Variants in PCDHA7 observed in about 807,000 individuals in gnomAD.
The protein encoded by PCDHA7 is protocadherin alpha-7.
Under a neutral mutation model 57.2 loss-of-function variants are expected in PCDHA7, and 37 were observed. The ratio of observed to expected loss-of-function variants is 0.65; its 90% CI spans 0.50 to 0.85. The LOEUF is 0.85. Ranked by LOEUF, PCDHA7 falls within the 40% of genes least tolerant of loss-of-function variation. The pLI, the probability that PCDHA7 is intolerant of heterozygous loss-of-function variation, is 0.00. For missense variants in PCDHA7, 1,188 were observed against 1,241.8 expected, an observed-to-expected ratio of 0.96 and a Z score of 0.65; for synonymous variants, 553 against 558.8, an observed-to-expected ratio of 0.99 and a Z score of 0.15.
intron 1 of PCDHA7, among the ~76,000 whole-genome samples, chr5:140,916,666 A>G (rs782065585): frequency 2.0e-5 from 3 of 152,176 alleles, no homozygotes; most frequent in Non-Finnish European, 2.9e-5. Flanking sequence ...AAGATGCAAG[A>G]CAAAGTCCTC....
Position 140,836,668 on chromosome 5 carries a change from A to T in PCDHA7, c.2285A>T (p.Glu762Val). ...QQRRQRVCSG[E>V]GPPKTDLMAF... The stretch of plus-strand genomic sequence containing the variant: ...AGGCGGCAGAGGGTGTGCTCTGGGG[A>T]GGGCCCACCCAAGACAGACCTCATG... The change falls in exon 1 of 4, where the codon GAG becomes GTG. Residue 762 changes from glutamate to valine, a missense_variant. Around this residue, in one of 3 missense-constraint regions of PCDHA7, gnomAD observed 892 missense variants for 788.5 expected, o/e 1.13. Transcript: ENST00000525929. 1 of 1,613,338 alleles carries T rather than the reference A, an allele frequency of 6.2e-7. No individual in the cohort carries two copies. The highest frequency in any genetic ancestry group is 8.5e-7 in the Non-Finnish European group (1 of 1,179,544).
chr5:140,876,297 A>G, intron 1 of PCDHA7: 1 of 1,614,092 alleles, frequency 6.2e-7, no homozygotes, highest in Non-Finnish European at 8.5e-7. Flanking sequence ...GACTTAATGG[A>G]GAAATTTCCT....
intron 3 of PCDHA7, among the ~76,000 whole-genome samples, chr5:141,007,395 CAAAAAAA>C (rs35800918): frequency 2.2e-3 from 204 of 94,846 alleles, no homozygotes; most frequent in African/African-American, 7.3e-3. Flanking sequence ...TACTAAAATA[CAAAAAAA>C]AAAAAAAAAA....
chr5:140,873,739 C>A (rs571863406), intron 1 of PCDHA7, among the ~76,000 whole-genome samples: 1 of 152,294 alleles, frequency 6.6e-6, no homozygotes, highest in African/African-American at 2.4e-5. Flanking sequence ...CAGCTCACTG[C>A]AATCTCCACC....
chr5:140,926,880 G>A lies in PCDHA7; in HGVS notation c.2356-52069G>A. 4 of 1,534,946 alleles carry A rather than the reference G, an allele frequency of 2.6e-6. No homozygotes were observed. The South Asian group carries it at 3.8e-5, about 15-fold the overall frequency. On this transcript the variant is annotated intron_variant, in intron 1 of 3. Transcript: ENST00000525929. ...TGTAGCGTGTTGGTGGAACGTGGAC[G>A]CCTAGAGGGAGGATGGTGGGCTGTG...
At chr5:140,935,592 T>C (rs1554210581) in intron 1 of PCDHA7, among the ~76,000 whole-genome samples, 1 of 152,252 alleles carries the variant, frequency 6.6e-6, no homozygotes, top group East Asian at 1.9e-4. Context: ...ACCAGCTAGA[T>C]ACAGAGCTAG....
intron 1 of PCDHA7, among the ~76,000 whole-genome samples, chr5:140,961,059 G>A (rs2095587077): frequency 6.6e-6 from 1 of 152,076 alleles, no homozygotes; most frequent in African/African-American, 2.4e-5. Flanking sequence ...AATGTTGAAT[G>A]GGATATCTGG....
At chr5:140,913,945 A>T (rs2076523304) in intron 1 of PCDHA7, among the ~76,000 whole-genome samples, 1 of 152,086 alleles carries the variant, frequency 6.6e-6, no homozygotes, top group Non-Finnish European at 1.5e-5. Flanking sequence ...AAGAATCTTG[A>T]TATGATATCA....
intron 1 of PCDHA7, among the ~76,000 whole-genome samples, chr5:140,951,891 C>T (rs913687305): frequency 1.3e-5 from 2 of 152,110 alleles, no homozygotes; most frequent in Non-Finnish European, 2.9e-5. Context: ...TCTCTTCTGC[C>T]TATGAGCCTG....
chr5:140,929,153 A>G (rs1554206749), intron 1 of PCDHA7: 1 of 1,614,164 alleles, frequency 6.2e-7, no homozygotes, highest in East Asian at 2.2e-5. Context: ...TCTCAGACTT[A>G]TCTCTATCGG....
chr5:140,884,285 G>A, intron 1 of PCDHA7: 1 of 1,613,598 alleles, frequency 6.2e-7, no homozygotes. Flanking sequence ...GGTGGAGAGC[G>A]GCCAAGCGCC....
chr5:140,877,719 T>G (rs782112072), intron 1 of PCDHA7: 2 of 1,614,102 alleles, frequency 1.2e-6, no homozygotes, highest in South Asian at 1.1e-5. Context: ...GGAGTTGGTC[T>G]TACTCGCAGC....
At chr5:140,964,802 GA>G (rs1187447949) in intron 1 of PCDHA7, among the ~76,000 whole-genome samples, 2 of 151,946 alleles carry the variant, frequency 1.3e-5, no homozygotes, top group African/African-American at 4.8e-5. Context: ...CCCAAGAAAG[GA>G]GACAGGAATA....
chr5:140,883,632 T>C (rs782762437), intron 1 of PCDHA7: 1 of 1,613,936 alleles, frequency 6.2e-7, no homozygotes, highest in South Asian at 1.1e-5. Flanking sequence ...GCGCCGGCGT[T>C]CGCGCAGCCC....
Position 141,010,021 on chromosome 5 carries a change from T to C in PCDHA7, c.*84T>C. 1 of 1,572,108 alleles carries C rather than the reference T, an allele frequency of 6.4e-7. No individual in the cohort carries two copies. The highest frequency in any genetic ancestry group is 1.9e-5 in the Admixed American group (1 of 52,756). On this transcript the variant is annotated 3_prime_UTR_variant, in exon 4 of 4. Coordinates refer to ENST00000525929, the MANE Select transcript of PCDHA7 (RefSeq NM_018910.3). ...CATGTAGCAATTCCCTGCTCCTTTTTCCTATCTACATGAGCCCTCTTAGAG... is the reference window on the plus strand; with the variant it reads ...CATGTAGCAATTCCCTGCTCCTTTTCCCTATCTACATGAGCCCTCTTAGAG...
In PCDHA7 at chr5:141,011,437, GA is replaced by G. The variant is rs1196462702; in HGVS notation, c.*1501del. The G allele has an allele frequency of 2.6e-5, 4 of 153,726 alleles. No homozygotes were observed. Among genetic ancestry groups the G allele is most frequent in the African/African-American group, 9.7e-5 (4 of 41,440 alleles). 9.5% of individuals were successfully genotyped at this position (153,726 alleles called of 1,614,324 possible). ...TGAATGTTAATGCAACTATTACCTA[GA>G]GTGAACTTTAAGCTTTATTGTTGAA... is the stretch of plus-strand genomic sequence containing the variant. On this transcript the variant is annotated 3_prime_UTR_variant, in exon 4 of 4. Transcript: ENST00000525929.
intron 1 of PCDHA7, among the ~76,000 whole-genome samples, chr5:140,941,907 CT>C (rs1379926904): frequency 7.2e-5 from 11 of 152,106 alleles, no homozygotes; most frequent in African/African-American, 2.7e-4. Context: ...CATTGAAATG[CT>C]TTTATGTATA....
At position 140,834,924 on chromosome 5, in the gene PCDHA7, G is replaced by C; in HGVS notation, c.541G>C (p.Asp181His). ...RLSPNEYFFL[D>H]VPTSNQQVKP... ...GAGCCCCAATGAGTATTTCTTCCTG[G>C]ACGTGCCAACCAGCAACCAGCAGGT... The change falls in exon 1 of 4, where the codon GAC becomes CAC. Residue 181 changes from aspartate to histidine, a missense_variant. Around this residue, in one of 3 missense-constraint regions of PCDHA7, gnomAD observed 102 missense variants for 267.4 expected, o/e 0.38. Coordinates refer to ENST00000525929, the MANE Select transcript of PCDHA7 (RefSeq NM_018910.3). 1.9e-6 allele frequency: 3 copies of C among 1,585,868 alleles called. No homozygotes were observed. The South Asian group carries it at 3.4e-5, about 18-fold the overall frequency.
intron 1 of PCDHA7, chr5:140,868,008 G>C (rs953372223): frequency 2.2e-4 from 34 of 152,046 alleles, no homozygotes; most frequent in African/African-American, 7.7e-4. Context: ...AACTGAATTA[G>C]ATTAAGGAAA....
Sources: allele counts gnomAD v4.1 joint callset (sites outside exome capture counted in the v4.1 genomes callset), GRCh38; gene constraint gnomAD v4.1.1; regional missense constraint gnomAD v4.1.1; transcripts MANE v1.5; gene names NCBI Gene and HGNC (gene_info 2026-07-23, HGNC 2026-07-21).